The following RYR2 variants were observed in gnomAD, a reference collection of about 807,000 sequenced individuals.
RYR2 encodes ryanodine receptor 2, also known as cardiac muscle ryanodine receptor-calcium release channel.
In RYR2, 227 loss-of-function variants were observed where a neutral mutation model predicts 601.1. The observed-to-expected ratio is 0.38, with a 90% CI of 0.34 to 0.42. RYR2 has a LOEUF of 0.42. RYR2 is among the 10% of genes least tolerant of loss of function. The pLI, the probability that RYR2 is intolerant of heterozygous loss-of-function variation, is 1.00. For synonymous variants in RYR2, 2,223 were observed against 2,175.1 expected (o/e 1.02, Z -0.61); for missense variants, 4,646 against 6,156.5 (o/e 0.75, Z 8.21).
chr1:237,377,341 C>G lies in RYR2; in HGVS notation c.482C>G (p.Thr161Ser). ...EDTTGEACWW[T>S]IHPASKQRSE... is the part of the protein sequence containing the mutation. Reference sequence around the variant, plus strand: ...TCTGCAGGGGAGGCTTGTTGGTGGACCATACACCCTGCCTCTAAGCAGCGA... The same window carrying G: ...TCTGCAGGGGAGGCTTGTTGGTGGAGCATACACCCTGCCTCTAAGCAGCGA... The change falls in exon 8 of 105, where the codon ACC becomes AGC. Residue 161 changes from threonine to serine, a missense_variant. Thr to Ser is a moderately conservative substitution (Grantham distance 58). Coordinates refer to ENST00000366574, the MANE Select transcript of RYR2 (RefSeq NM_001035.3). The G allele has an allele frequency of 6.2e-7, 1 of 1,612,786 alleles. No homozygotes were observed. The highest frequency in any genetic ancestry group is 8.5e-7 in the Non-Finnish European group (1 of 1,179,238).
intron 89 of RYR2, among the ~76,000 whole-genome samples, chr1:237,783,464 G>T (rs186546549): frequency 8.4e-4 from 128 of 152,238 alleles, no homozygotes; most frequent in Admixed American, 1.8e-3. Flanking sequence ...TTTTATGTGT[G>T]TCAGTCTAAT....
At position 237,781,578 on chromosome 1, in the gene RYR2, T is replaced by C. The variant is rs1272734214; in HGVS notation, c.11894T>C (p.Ile3965Thr). Reference sequence around the variant, plus strand: ...TCATATTTTCAGGATTCCAGTCAAATTGAGCTATTAAAAGAATTAATGGAT... The same window carrying C: ...TCATATTTTCAGGATTCCAGTCAAACTGAGCTATTAAAAGAATTAATGGAT... Reference protein sequence around the residue: ...QMKLSQDSSQIELLKELMDLQ... With the variant: ...QMKLSQDSSQTELLKELMDLQ... Residue 3965 changes from isoleucine to threonine, a missense_variant, in exon 89 of 105, where the codon ATT becomes ACT. Physicochemically the swap from Ile to Thr is moderately conservative, Grantham distance 89. Coordinates refer to ENST00000366574, the MANE Select transcript of RYR2 (RefSeq NM_001035.3). 6 of 1,563,412 alleles carry C rather than the reference T, an allele frequency of 3.8e-6. No individual in the cohort carries two copies. The highest frequency in any genetic ancestry group is 1.2e-5 in the South Asian group (1 of 86,914).
At chr1:237,438,529 C>T (rs1707610619) in intron 12 of RYR2, among the ~76,000 whole-genome samples, 1 of 152,092 alleles carries the variant, frequency 6.6e-6, no homozygotes, top group Non-Finnish European at 1.5e-5. Flanking sequence ...TATATTTTTA[C>T]TCAAATCTTT....
chr1:237,806,356 A>G, intron 99 of RYR2, 73 bp downstream of exon 99: 1 of 1,400,328 alleles, frequency 7.1e-7, no homozygotes, highest in Non-Finnish European at 9.9e-7. Context: ...AAATAAAACT[A>G]CCCCTCAAAT....
intron 3 of RYR2, among the ~76,000 whole-genome samples, chr1:237,340,248 G>A (rs898132379): frequency 7.9e-5 from 12 of 152,118 alleles, no homozygotes; most frequent in Admixed American, 2.0e-4. Context: ...AATAGAAAGC[G>A]CATGTCCATT....
intron 80 of RYR2, among the ~76,000 whole-genome samples, chr1:237,750,113 T>C (rs1692420550): frequency 6.6e-6 from 1 of 151,956 alleles, no homozygotes; most frequent in South Asian, 2.1e-4. Flanking sequence ...ACCATTGCAC[T>C]CCAGGCTGGG....
At chr1:237,736,999 G>A (rs2149189880) in intron 79 of RYR2, among the ~76,000 whole-genome samples, 1 of 152,030 alleles carries the variant, frequency 6.6e-6, no homozygotes, top group East Asian at 1.9e-4. Context: ...GTGAGAAAGA[G>A]ATTGTAGAGC....
At chr1:237,119,332 G>A (rs558491402) in intron 1 of RYR2, among the ~76,000 whole-genome samples, 2 of 152,172 alleles carry the variant, frequency 1.3e-5, no homozygotes, top group East Asian at 1.9e-4. Context: ...GAGACAAGAC[G>A]TTCCTATTAA....
At chr1:237,814,551 G>A (rs1178199434) in intron 100 of RYR2, among the ~76,000 whole-genome samples, 1 of 137,464 alleles carries the variant, frequency 7.3e-6, no homozygotes. Context: ...AAGTCACAGG[G>A]GGATTTTTTT....
chr1:237,807,088 A>C (rs1453186282), intron 99 of RYR2, among the ~76,000 whole-genome samples: 1 of 152,194 alleles, frequency 6.6e-6, no homozygotes, highest in Non-Finnish European at 1.5e-5. Context: ...TTAAGTCCAC[A>C]TTATCATCAG....
chr1:237,559,307 C>T (rs1253839870), intron 27 of RYR2, among the ~76,000 whole-genome samples: 1 of 152,154 alleles, frequency 6.6e-6, no homozygotes. Context: ...CTCTCTAATT[C>T]TATGGCATAT....
chr1:237,554,943 C>T (rs1367709053), intron 27 of RYR2: 2 of 151,948 alleles, frequency 1.3e-5, no homozygotes, highest in African/African-American at 4.8e-5. Context: ...CTTAAATGTA[C>T]TTTTGTTTTG....
At chr1:237,201,982 G>C (rs759319163) in intron 1 of RYR2, among the ~76,000 whole-genome samples, 3 of 152,194 alleles carry the variant, frequency 2.0e-5, no homozygotes, top group Non-Finnish European at 2.9e-5. Context: ...CCTCAGAGAA[G>C]AGAAAGGCAG....
intron 1 of RYR2, among the ~76,000 whole-genome samples, chr1:237,204,986 C>T (rs1460996191): frequency 6.6e-6 from 1 of 152,202 alleles, no homozygotes; most frequent in Admixed American, 6.5e-5. Context: ...GGACGGGCCT[C>T]CCCACTGCCC....
chr1:237,315,859 T>G (rs1338504870), intron 2 of RYR2, among the ~76,000 whole-genome samples: 1 of 152,222 alleles, frequency 6.6e-6, no homozygotes, highest in African/African-American at 2.4e-5. Context: ...AACCATTATG[T>G]CCAAACTTTA....
At chr1:237,641,467 G>GTCTTTCTTCTT (rs1490727758) in intron 47 of RYR2, among the ~76,000 whole-genome samples, 4 of 117,192 alleles carry the variant, frequency 3.4e-5, no homozygotes, top group African/African-American at 1.4e-4. Flanking sequence ...ATTAGTGTCT[G>GTCTTTCTTCTT]TCTGTCTTTC....
intron 1 of RYR2, among the ~76,000 whole-genome samples, chr1:237,065,010 T>C (rs1044011150): frequency 6.6e-6 from 1 of 151,936 alleles, no homozygotes; most frequent in Non-Finnish European, 1.5e-5. Context: ...CATCGTATTG[T>C]GTGTTCTGTT....
At position 237,700,238 on chromosome 1, in the gene RYR2, G is replaced by A. The variant is rs867521152; in HGVS notation, c.9138G>A (p.Met3046Ile). 4 of 1,559,056 alleles carry A rather than the reference G, an allele frequency of 2.6e-6. No homozygotes were observed. Among genetic ancestry groups the A allele is most frequent in the Middle Eastern group, 1.7e-4 (1 of 6,016 alleles). The stretch of plus-strand genomic sequence containing the variant: ...CTTATTTACTTTCTAGGACAGTGAT[G>A]AAGACTGGCCTGGAGAGTGTTAAAA... ...LGQTLDARTV[M>I]KTGLESVKSA... The change falls in exon 65 of 105, where the codon ATG (methionine) becomes ATA (isoleucine). Residue 3046 changes from methionine (M) to isoleucine (I), a missense_variant. By Grantham distance (10) the Met-to-Ile change is conservative. Around this residue, in one of 17 missense-constraint regions of RYR2, gnomAD observed 1,497 missense variants for 1,842.6 expected, o/e 0.81. Transcript: ENST00000366574.
At chr1:237,615,659 C>G (rs1189276508) in intron 37 of RYR2, among the ~76,000 whole-genome samples, 2 of 152,158 alleles carry the variant, frequency 1.3e-5, no homozygotes, top group Non-Finnish European at 2.9e-5. Context: ...TTGACTGAAG[C>G]CTTACTCTGG....
Sources: allele counts gnomAD v4.1 joint callset (sites outside exome capture counted in the v4.1 genomes callset), GRCh38; gene constraint gnomAD v4.1.1; regional missense constraint gnomAD v4.1.1; transcripts MANE v1.5; gene names NCBI Gene and HGNC (gene_info 2026-07-23, HGNC 2026-07-21).